The following ASAP1 variants were observed in gnomAD, a reference collection of about 807,000 sequenced individuals.
The protein encoded by ASAP1 is arf-GAP with SH3 domain, ANK repeat and PH domain-containing protein 1.
ASAP1 carries 43 observed loss-of-function variants against 145.2 expected under a neutral mutation model. The observed-to-expected ratio is 0.30, with a 90% CI of 0.23 to 0.38. ASAP1 has a LOEUF of 0.38. Ranked by LOEUF, ASAP1 falls within the 10% of genes least tolerant of loss-of-function variation. ASAP1 has a pLI of 1.00. For missense variants in ASAP1, 1,018 were observed against 1,355.3 expected (o/e 0.75, Z 3.91); for synonymous variants, 546 against 515.5 (o/e 1.06, Z -0.80).
chr8:130,070,422 C>G (rs1230207446), intron 27 of ASAP1, among the ~76,000 whole-genome samples: 1 of 152,138 alleles, frequency 6.6e-6, no homozygotes, highest in African/African-American at 2.4e-5. Context: ...TACTATAAAA[C>G]AGAAGGCATG....
At chr8:130,222,905 T>C (rs1488476830) in intron 4 of ASAP1, among the ~76,000 whole-genome samples, 1 of 152,176 alleles carries the variant, frequency 6.6e-6, no homozygotes, top group East Asian at 1.9e-4. Context: ...CAGGAGCCTC[T>C]AGAAGTCTTT....
At chr8:130,409,064 C>T (rs184478496) in intron 1 of ASAP1, among the ~76,000 whole-genome samples, 34 of 152,172 alleles carry the variant, frequency 2.2e-4, no homozygotes, top group African/African-American at 8.2e-4. Context: ...GAGTTCGAGA[C>T]CAGCCTGGCC....
intron 24 of ASAP1, among the ~76,000 whole-genome samples, chr8:130,093,338 G>T (rs2097509685): frequency 6.6e-6 from 1 of 152,116 alleles, no homozygotes; most frequent in South Asian, 2.1e-4. Flanking sequence ...TGGTTTAACT[G>T]TGTTCATGGC....
At chr8:130,413,577 G>C (rs932608169) in intron 1 of ASAP1, among the ~76,000 whole-genome samples, 1 of 152,178 alleles carries the variant, frequency 6.6e-6, no homozygotes, top group Non-Finnish European at 1.5e-5. Flanking sequence ...ATCTCATCAA[G>C]ATAAAGCCCA....
chr8:130,084,451 G>C (rs779457850), intron 25 of ASAP1: 2 of 152,244 alleles, frequency 1.3e-5, no homozygotes, highest in Admixed American at 6.5e-5. Flanking sequence ...GTAAGAGAAA[G>C]TTGGAGATAC....
chr8:130,287,892 T>G (rs1041607819), intron 3 of ASAP1, among the ~76,000 whole-genome samples: 1 of 152,154 alleles, frequency 6.6e-6, no homozygotes, highest in African/African-American at 2.4e-5. Flanking sequence ...GTAAACTGAC[T>G]TAACATTTCA....
intron 2 of ASAP1, among the ~76,000 whole-genome samples, chr8:130,368,892 G>T (rs183801593): frequency 6.6e-6 from 1 of 152,264 alleles, no homozygotes; most frequent in Non-Finnish European, 1.5e-5. Context: ...TTCTTTTTTA[G>T]TGTAAGCTAG....
At chr8:130,365,929 C>T (rs993260508) in intron 2 of ASAP1, among the ~76,000 whole-genome samples, 2 of 152,124 alleles carry the variant, frequency 1.3e-5, no homozygotes, top group Non-Finnish European at 2.9e-5. Flanking sequence ...TTTTTAGAGT[C>T]GCTGTCATTA....
chr8:130,404,252 T>C (rs372681200), intron 1 of ASAP1, among the ~76,000 whole-genome samples: 3 of 152,218 alleles, frequency 2.0e-5, no homozygotes, highest in East Asian at 1.9e-4. Flanking sequence ...CCAACAGCAA[T>C]TGAATCTTCC....
intron 3 of ASAP1, among the ~76,000 whole-genome samples, chr8:130,256,739 T>TTATATATATATATATATATA (rs58245112): frequency 2.1e-5 from 2 of 95,894 alleles, no homozygotes; most frequent in Non-Finnish European, 4.0e-5. Flanking sequence ...ATACACATTC[T>TTATATATATATATATATATA]TATATATATA....
chr8:130,252,983 C>T (rs1192881884), intron 3 of ASAP1, among the ~76,000 whole-genome samples: 3 of 152,168 alleles, frequency 2.0e-5, no homozygotes, highest in African/African-American at 7.2e-5. Flanking sequence ...AGCCTTTTAG[C>T]TTCCCACCAG....
chr8:130,253,514 T>C (rs954933966), intron 3 of ASAP1, among the ~76,000 whole-genome samples: 3 of 152,164 alleles, frequency 2.0e-5, no homozygotes, highest in African/African-American at 4.8e-5. Flanking sequence ...AAAAGGGAGA[T>C]GTAGATACAA....
At chr8:130,439,683 G>A (rs954661334) in intron 1 of ASAP1, among the ~76,000 whole-genome samples, 1 of 152,214 alleles carries the variant, frequency 6.6e-6, no homozygotes, top group Non-Finnish European at 1.5e-5. Flanking sequence ...TAAAGACACA[G>A]GTGCTTTTTA....
intron 26 of ASAP1, among the ~76,000 whole-genome samples, chr8:130,079,650 A>C (rs1034238221): frequency 6.6e-6 from 1 of 151,500 alleles, no homozygotes; most frequent in African/African-American, 2.4e-5. Context: ...CCGGGAAGTG[A>C]GGTTAGCTCC....
chr8:130,388,054 G>GT (rs776901506), intron 2 of ASAP1, among the ~76,000 whole-genome samples: 1 of 152,246 alleles, frequency 6.6e-6, no homozygotes, highest in Non-Finnish European at 1.5e-5. Flanking sequence ...ATCTGTCTGA[G>GT]GACATAGCAT....
intron 8 of ASAP1, among the ~76,000 whole-genome samples, chr8:130,180,352 CTT>C (rs1388171702): frequency 6.6e-6 from 1 of 152,180 alleles, no homozygotes; most frequent in Non-Finnish European, 1.5e-5. Flanking sequence ...GTGAAATCGA[CTT>C]TCTTAATGAC....
intron 7 of ASAP1, among the ~76,000 whole-genome samples, chr8:130,181,748 C>G (rs1167730119): frequency 6.6e-6 from 1 of 152,168 alleles, no homozygotes; most frequent in African/African-American, 2.4e-5. Flanking sequence ...GTGCTCGGCT[C>G]TGATAGATGA....
intron 2 of ASAP1, among the ~76,000 whole-genome samples, chr8:130,384,625 C>T (rs979092435): frequency 4.6e-5 from 7 of 152,146 alleles, no homozygotes; most frequent in Admixed American, 6.5e-5. Flanking sequence ...ATTACACAGG[C>T]GCCCGCCACC....
intron 3 of ASAP1, among the ~76,000 whole-genome samples, chr8:130,274,502 C>T (rs1358237595): frequency 6.6e-6 from 1 of 152,228 alleles, no homozygotes; most frequent in Non-Finnish European, 1.5e-5. Context: ...ACCACTCGAT[C>T]TACCTTAAAT....
Sources: allele counts gnomAD v4.1 joint callset (sites outside exome capture counted in the v4.1 genomes callset), GRCh38; gene constraint gnomAD v4.1.1; transcripts MANE v1.5; gene names NCBI Gene and HGNC (gene_info 2026-07-23, HGNC 2026-07-21).